SLC30A8: variants seen among roughly 807,000 people sequenced by gnomAD.
SLC30A8 encodes proton-coupled zinc antiporter SLC30A8.
A neutral mutation model predicts 36.9 loss-of-function variants in SLC30A8; 27 were observed. The observed-to-expected ratio is 0.73, with a 90% CI of 0.54 to 1.01. The LOEUF is 1.01. Ranked by LOEUF, SLC30A8 falls within the 50% of genes least tolerant of loss-of-function variation. The pLI is 0.00. For missense variants in SLC30A8, 439 were observed against 452.0 expected, an observed-to-expected ratio of 0.97 and a Z score of 0.26; for synonymous variants, 164 against 172.4, an observed-to-expected ratio of 0.95 and a Z score of 0.38.
At position 117,039,064 on chromosome 8, in the gene SLC30A8, A is replaced by G. The variant is rs190082044; in HGVS notation, c.-265-155A>G. Among the ~76,000 whole-genome samples the G allele has an allele frequency of 2.6e-4, 40 of 152,298 alleles. No homozygotes were observed. The East Asian group carries it at 7.3e-3, about 28-fold the overall frequency. ...GTGGAGACTCTCATTTCTGACCTGG[A>G]TCTCAAATAATAAATGATGATTTAT... is the stretch of plus-strand genomic sequence containing the variant. On this transcript the variant is annotated intron_variant, in intron 1 of 10. Coordinates refer to the SLC30A8 transcript ENST00000427715.
At chr8:117,037,506 C>G (rs985232118) in intron 1 of SLC30A8, among the ~76,000 whole-genome samples, 1 of 151,960 alleles carries the variant, frequency 6.6e-6, no homozygotes, top group African/African-American at 2.4e-5. Flanking sequence ...TACCACTGCC[C>G]CCCTCACCCA....
chr8:117,013,002 G>A (rs1816398904), intron 1 of SLC30A8, among the ~76,000 whole-genome samples: 1 of 152,012 alleles, frequency 6.6e-6, no homozygotes, highest in Non-Finnish European at 1.5e-5. Flanking sequence ...GAAAGAGCAA[G>A]CAGACCCTGG....
intron 2 of SLC30A8, among the ~76,000 whole-genome samples, chr8:117,064,003 CT>C (rs35344529): frequency 0.1 from 14,880 of 144,952 alleles, 885 homozygotes; most frequent in East Asian, 0.15. Context: ...GAAAAAAATC[CT>C]TTTTTTTTTT....
intron 1 of SLC30A8, among the ~76,000 whole-genome samples, chr8:117,004,517 G>A (rs990200272): frequency 2.0e-5 from 3 of 152,128 alleles, no homozygotes; most frequent in Non-Finnish European, 4.4e-5. Context: ...CGTCAAGAGC[G>A]TGTCCCTGTC....
chr8:117,105,954 G>A (rs781727216), intron 2 of SLC30A8, among the ~76,000 whole-genome samples: 12 of 152,094 alleles, frequency 7.9e-5, no homozygotes, highest in East Asian at 1.9e-4. Context: ...CTAACTTCAC[G>A]AAGAATAGAA....
rs77058269 is a variant in SLC30A8 at position 117,116,010 on chromosome 8, G to C, written c.-225-19270G>C. ...ATTATGAGTGGCTTAAGGAGGGTTA[G>C]TAGAGATTTTTGTGGAGGGGAGAAG... On this transcript the variant is annotated intron_variant, in intron 2 of 10. Transcript: ENST00000427715. Among the ~76,000 whole-genome samples the C allele has an allele frequency of 3.1e-3, 474 of 152,166 alleles. 3 individuals are homozygous for C. Among genetic ancestry groups the C allele is most frequent in the Non-Finnish European group, 3.8e-3 (255 of 67,968 alleles).
At chr8:117,157,262 G>T (rs939873025) in intron 3 of SLC30A8, among the ~76,000 whole-genome samples, 1 of 152,068 alleles carries the variant, frequency 6.6e-6, no homozygotes, top group Non-Finnish European at 1.5e-5. Context: ...TCCATTGAAG[G>T]TGCTGGCACT....
At chr8:117,060,841 C>T (rs1229160767) in intron 2 of SLC30A8, among the ~76,000 whole-genome samples, 1 of 152,138 alleles carries the variant, frequency 6.6e-6, no homozygotes, top group Non-Finnish European at 1.5e-5. Flanking sequence ...GTAACTTTGC[C>T]TCTCATCACT....
At chr8:116,976,819 TTTC>T (rs770346935) in intron 1 of SLC30A8, among the ~76,000 whole-genome samples, 2,741 of 135,116 alleles carry the variant, frequency 0.02, 31 homozygotes, top group African/African-American at 0.036. Context: ...TCTTTCTTTC[TTTC>T]TTTTTTTTTT....
At chr8:117,133,018 T>A (rs1285738023), upstream of SLC30A8, among the ~76,000 whole-genome samples, 2 of 150,828 alleles carry the variant, frequency 1.3e-5, no homozygotes, top group Admixed American at 1.3e-4. Flanking sequence ...AAATCATAAT[T>A]AATTTCCTAG....
intron 1 of SLC30A8, among the ~76,000 whole-genome samples, chr8:116,954,296 G>A (rs1240751384): frequency 6.6e-6 from 1 of 152,100 alleles, no homozygotes; most frequent in Non-Finnish European, 1.5e-5. Context: ...ATACATTTAA[G>A]TAGAGACATC....
intron 1 of SLC30A8, among the ~76,000 whole-genome samples, chr8:116,984,827 G>A (rs191414241): frequency 2.5e-4 from 38 of 151,852 alleles, no homozygotes; most frequent in Non-Finnish European, 2.2e-4. Flanking sequence ...CTCTTCCCTG[G>A]ATCTTTCACA....
intron 2 of SLC30A8, among the ~76,000 whole-genome samples, chr8:117,123,842 G>A (rs1017345102): frequency 2.0e-5 from 3 of 151,924 alleles, no homozygotes; most frequent in Non-Finnish European, 4.4e-5. Flanking sequence ...ATGGCTGAAA[G>A]GACATTGAAG....
At chr8:117,051,610 G>A (rs573255497) in intron 2 of SLC30A8, among the ~76,000 whole-genome samples, 106 of 152,112 alleles carry the variant, frequency 7.0e-4, no homozygotes, top group African/African-American at 2.3e-3. Flanking sequence ...TCAGGAGATC[G>A]AGACCATCCT....
At chr8:117,172,478 A>T (rs1823429703) in intron 7 of SLC30A8, 58 bp from the exon 8 acceptor site, 3 of 1,611,150 alleles carry the variant, frequency 1.9e-6, no homozygotes, top group Non-Finnish European at 2.5e-6. Flanking sequence ...TTGGAGTCAG[A>T]GCAGTCGCCC....
At chr8:116,950,495 T>C (rs954301344), upstream of SLC30A8, 1 of 152,212 alleles carries the variant, frequency 6.6e-6, no homozygotes, top group Non-Finnish European at 1.5e-5. Flanking sequence ...AGCCATTTTG[T>C]TTTTTGGCAA....
chr8:117,118,194 CCAAAAAA>C (rs1458263820), intron 2 of SLC30A8, among the ~76,000 whole-genome samples: 57 of 142,096 alleles, frequency 4.0e-4, no homozygotes, highest in African/African-American at 9.0e-4. Flanking sequence ...AAAAAAAAAA[CCAAAAAA>C]CAAAAAACAA....
intron 2 of SLC30A8, among the ~76,000 whole-genome samples, chr8:117,085,434 A>G (rs991625390): frequency 2.6e-5 from 4 of 152,308 alleles, no homozygotes; most frequent in African/African-American, 9.6e-5. Flanking sequence ...GTTGATGTCT[A>G]CACTAAATGG....
intron 1 of SLC30A8, among the ~76,000 whole-genome samples, chr8:116,997,500 G>GTT (rs5894359): frequency 4.0e-5 from 6 of 149,624 alleles, no homozygotes; most frequent in Admixed American, 6.7e-5. Context: ...AATTAAATCA[G>GTT]TTTTTTTTTT....
Sources: gnomAD v4.1 joint callset for allele counts (sites outside exome capture counted in the v4.1 genomes callset) on GRCh38, gnomAD v4.1.1 for gene constraint, MANE v1.5 for transcripts, NCBI Gene and HGNC (gene_info 2026-07-23, HGNC 2026-07-21) for gene names.